CTNNA3: variants seen among roughly 807,000 people sequenced by gnomAD.
The protein encoded by CTNNA3 is catenin alpha-3.
A neutral mutation model predicts 95.7 loss-of-function variants in CTNNA3; 76 were observed. The observed-to-expected ratio is 0.79, with a 90% CI of 0.66 to 0.96. The LOEUF is 0.96. Ranked by LOEUF, CTNNA3 falls within the 40% of genes least tolerant of loss-of-function variation. CTNNA3 has a pLI of 0.00. For synonymous variants in CTNNA3, 431 were observed against 374.4 expected, an observed-to-expected ratio of 1.15 and a Z score of -1.74; for missense variants, 1,191 against 1,089.8, an observed-to-expected ratio of 1.09 and a Z score of -1.31.
chr10:67,580,405 T>C (rs950538970), intron 3 of CTNNA3, among the ~76,000 whole-genome samples: 2 of 151,716 alleles, frequency 1.3e-5, no homozygotes, highest in Non-Finnish European at 2.9e-5. Flanking sequence ...CTGTTCTGTT[T>C]CATTGGTTGA....
chr10:67,516,449 C>T (rs1839815984), intron 5 of CTNNA3, among the ~76,000 whole-genome samples: 1 of 152,166 alleles, frequency 6.6e-6, no homozygotes, highest in African/African-American at 2.4e-5. Flanking sequence ...AGCATTTCTT[C>T]CACAGGATCC....
chr10:66,995,680 A>G (rs1239118482), intron 7 of CTNNA3, among the ~76,000 whole-genome samples: 1 of 152,058 alleles, frequency 6.6e-6, no homozygotes, highest in African/African-American at 2.4e-5. Flanking sequence ...GACAACTAAG[A>G]CTCAGACTCA....
chr10:67,228,478 T>C (rs1319861795), intron 5 of CTNNA3, among the ~76,000 whole-genome samples: 1 of 152,070 alleles, frequency 6.6e-6, no homozygotes. Context: ...CAGGGCGTGG[T>C]GGCAGGCACC....
intron 10 of CTNNA3, among the ~76,000 whole-genome samples, chr10:66,567,048 G>GGGTGAAAGAGGGATGGGAGGGGAA (rs1842729318): frequency 7.7e-6 from 1 of 129,380 alleles, no homozygotes; most frequent in African/African-American, 2.9e-5. Context: ...GGAGGGGGTA[G>GGGTGAAAGAGGGATGGGAGGGGAA]GGAGAAAGAG....
At chr10:67,177,725 T>C (rs1490312265) in intron 7 of CTNNA3, among the ~76,000 whole-genome samples, 1 of 152,202 alleles carries the variant, frequency 6.6e-6, no homozygotes, top group Non-Finnish European at 1.5e-5. Context: ...AGAAGCATTA[T>C]TTGTGATAGA....
Position 67,393,752 on chromosome 10 carries a change from T to C in CTNNA3, c.579+128090A>G, listed in dbSNP as rs549961754. ...TTCAATTAACAGGCAACAAATGGGG[T>C]TTCTGTACTAGTTGGAGTGATTCTT... On this transcript the variant is annotated intron_variant, in intron 5 of 17. Coordinates refer to ENST00000433211, the MANE Select transcript of CTNNA3 (RefSeq NM_013266.4). Among the ~76,000 whole-genome samples the C allele has an allele frequency of 8.5e-5, 13 of 152,254 alleles. No individual in the cohort carries two copies. In the South Asian group the frequency reaches 2.7e-3, roughly 32 times the overall value.
At chr10:66,529,306 A>G (rs1841376124) in intron 10 of CTNNA3, among the ~76,000 whole-genome samples, 1 of 151,894 alleles carries the variant, frequency 6.6e-6, no homozygotes, top group East Asian at 1.9e-4. Context: ...TTTTGTTTGT[A>G]TTTTTAGTAG....
At chr10:67,578,003 G>A (rs1272381009) in intron 3 of CTNNA3, among the ~76,000 whole-genome samples, 1 of 143,944 alleles carries the variant, frequency 6.9e-6, no homozygotes, top group African/African-American at 2.8e-5. Context: ...CCACATCCTC[G>A]CCAACATCTG....
chr10:66,602,867 CT>C (rs1176717991), intron 10 of CTNNA3, among the ~76,000 whole-genome samples: 1 of 152,024 alleles, frequency 6.6e-6, no homozygotes, highest in African/African-American at 2.4e-5. Flanking sequence ...TCAATAGATA[CT>C]GAAAAAGCTT....
At chr10:66,809,104 T>G (rs1015668657) in intron 7 of CTNNA3, among the ~76,000 whole-genome samples, 1 of 152,172 alleles carries the variant, frequency 6.6e-6, no homozygotes, top group Non-Finnish European at 1.5e-5. Flanking sequence ...CCCTTCTTTC[T>G]TAAAGCTTGC....
intron 13 of CTNNA3, among the ~76,000 whole-genome samples, chr10:66,156,223 C>G (rs928472608): frequency 6.6e-6 from 1 of 151,874 alleles, no homozygotes; most frequent in Admixed American, 6.6e-5. Context: ...GCTGAAGAAG[C>G]TGACCACAGG....
chr10:66,364,393 A>G (rs1269292344), intron 12 of CTNNA3, among the ~76,000 whole-genome samples: 1 of 152,024 alleles, frequency 6.6e-6, no homozygotes, highest in Non-Finnish European at 1.5e-5. Context: ...TTAAAAAATT[A>G]TTGAATAAAA....
intron 11 of CTNNA3, among the ~76,000 whole-genome samples, chr10:66,388,866 T>C (rs2092914014): frequency 6.6e-6 from 1 of 152,104 alleles, no homozygotes; most frequent in African/African-American, 2.4e-5. Flanking sequence ...TACAGAATGC[T>C]AGGAACAACT....
chr10:66,189,182 C>T (rs1297969150), intron 13 of CTNNA3, among the ~76,000 whole-genome samples: 1 of 151,022 alleles, frequency 6.6e-6, no homozygotes, highest in East Asian at 2.0e-4. Context: ...GCTGCTTTTA[C>T]ATTTTGTTGA....
chr10:66,670,637 A>T (rs1013568790), intron 9 of CTNNA3, among the ~76,000 whole-genome samples: 9 of 152,158 alleles, frequency 5.9e-5, no homozygotes. Context: ...ATGTGATTAC[A>T]TTGATCTCAC....
chr10:66,824,669 A>C (rs946956700), intron 7 of CTNNA3, among the ~76,000 whole-genome samples: 1 of 152,216 alleles, frequency 6.6e-6, no homozygotes, highest in Non-Finnish European at 1.5e-5. Flanking sequence ...AAAAGCAGAC[A>C]GTATGTGGGA....
rs1469737516 is a variant in CTNNA3, at chr10:66,926,655, T to A, written c.1048-151131A>T. 9 of 1,543,306 alleles carry A rather than the reference T, an allele frequency of 5.8e-6. No individual in the cohort carries two copies. In the Admixed American group the frequency reaches 1.5e-4, roughly 26 times the overall value. The stretch of plus-strand genomic sequence containing the variant: ...AACAAAAAACCTCTAGTGTGTGTAA[T>A]AATTCTGCCTTAATTATTTTAGAGA... On this transcript the variant is annotated intron_variant, in intron 7 of 17. Transcript: ENST00000433211.
intron 7 of CTNNA3, among the ~76,000 whole-genome samples, chr10:66,952,732 T>G (rs1848596919): frequency 6.6e-6 from 1 of 152,060 alleles, no homozygotes; most frequent in South Asian, 2.1e-4. Flanking sequence ...AATGTACCCA[T>G]TATTTACAGC....
At chr10:67,714,494 C>T (rs1355801817) in intron 1 of CTNNA3, among the ~76,000 whole-genome samples, 2 of 152,224 alleles carry the variant, frequency 1.3e-5, no homozygotes, top group Non-Finnish European at 2.9e-5. Flanking sequence ...TACCCAATGC[C>T]TGTACGCCCA....
Sources: gnomAD v4.1 joint callset for allele counts (sites outside exome capture counted in the v4.1 genomes callset) on GRCh38, gnomAD v4.1.1 for gene constraint, MANE v1.5 for transcripts, NCBI Gene and HGNC (gene_info 2026-07-23, HGNC 2026-07-21) for gene names.